The following ASTN2 variants were observed in gnomAD, a reference collection of about 807,000 sequenced individuals.
ASTN2 encodes astrotactin 2, also known as astrotactin-2.
A neutral mutation model predicts 139.8 loss-of-function variants in ASTN2; 54 were observed. That is an observed-to-expected ratio of 0.39 (90% confidence interval 0.31 to 0.48). ASTN2 has a LOEUF of 0.48. Ranked by LOEUF, ASTN2 falls within the 20% of genes least tolerant of loss-of-function variation. The pLI is 0.95. For missense variants in ASTN2, 1,565 were observed against 1,725.1 expected, an observed-to-expected ratio of 0.91 and a Z score of 1.64; for synonymous variants, 756 against 719.5, an observed-to-expected ratio of 1.05 and a Z score of -0.81.
chr9:116,459,962 A>G (rs1008335604), intron 20 of ASTN2, among the ~76,000 whole-genome samples: 1 of 152,158 alleles, frequency 6.6e-6, no homozygotes, highest in Admixed American at 6.6e-5. Context: ...AAATTTTCAT[A>G]GCAACATTAT....
intron 2 of ASTN2, among the ~76,000 whole-genome samples, chr9:117,275,748 T>C (rs894269851): frequency 6.6e-6 from 1 of 152,036 alleles, no homozygotes; most frequent in African/African-American, 2.4e-5. Context: ...GTATTTTTAG[T>C]AGAGACAGGG....
At chr9:116,807,416 T>C (rs1462926511) in intron 12 of ASTN2, among the ~76,000 whole-genome samples, 9 of 152,226 alleles carry the variant, frequency 5.9e-5, no homozygotes, top group Admixed American at 5.9e-4. Context: ...ACTGTTTCCT[T>C]GCTTTCCCCT....
At chr9:116,513,314 T>A (rs1002673420) in intron 19 of ASTN2, among the ~76,000 whole-genome samples, 2 of 152,224 alleles carry the variant, frequency 1.3e-5, no homozygotes, top group Non-Finnish European at 2.9e-5. Flanking sequence ...TATTTAAGAA[T>A]GTTGAATATT....
chr9:117,068,376 T>C lies in ASTN2; in HGVS notation c.1276+27668A>G, dbSNP rs1042790050. On this transcript the variant is annotated intron_variant, in intron 5 of 22. Transcript: ENST00000313400. ...ATGAAGCCCACTTGATCATGGTGGA[T>C]AAGCTTTTTGATGTGCTGCTGGATT... 3.1e-4 allele frequency among the ~76,000 whole-genome samples: 18 copies of C among 57,846 alleles called. 2 individuals carry two copies. The highest frequency in any genetic ancestry group is 6.0e-4 in the Non-Finnish European group (17 of 28,250). 37.9% of individuals were successfully genotyped at this position (57,846 alleles called of 152,430 possible).
intron 19 of ASTN2, among the ~76,000 whole-genome samples, chr9:116,565,505 G>GCAACCTC (rs1853186879): frequency 6.9e-6 from 1 of 145,078 alleles, no homozygotes; most frequent in East Asian, 2.0e-4. Context: ...TCGGCTCACT[G>GCAACCTC]CAACCTCCAG....
intron 19 of ASTN2, among the ~76,000 whole-genome samples, chr9:116,504,818 C>T (rs1412029852): frequency 6.9e-6 from 1 of 144,908 alleles, no homozygotes; most frequent in Non-Finnish European, 1.5e-5. Context: ...ATCACTTGAG[C>T]CTGGGAAGTC....
At chr9:116,770,687 C>G (rs373061670) in intron 13 of ASTN2, among the ~76,000 whole-genome samples, 6 of 152,176 alleles carry the variant, frequency 3.9e-5, no homozygotes, top group East Asian at 3.9e-4. Flanking sequence ...TTCCAGTACT[C>G]TCCTGTTTTC....
rs10636499 is a variant in ASTN2 at position 117,230,185 on chromosome 9, G to GA, written c.631-15444dup. On this transcript the variant is annotated intron_variant, in intron 2 of 22. Transcript: ENST00000313400. ...CTGGGTGTGTGAATTTCTTCAGGCT[G>GA]AAAAAAAAAAAATCACCCAAACTGA... 1.2e-3 allele frequency among the ~76,000 whole-genome samples: 170 copies of GA among 139,232 alleles called. 1 individual carries two copies. Among genetic ancestry groups the GA allele is most frequent in the Admixed American group, 3.2e-3 (44 of 13,934 alleles). The allele number at this position is 139,232 out of a possible 152,430, so 91.3% of individuals were successfully genotyped here.
chr9:117,397,635 T>C (rs1405460942), intron 1 of ASTN2, among the ~76,000 whole-genome samples: 1 of 152,218 alleles, frequency 6.6e-6, no homozygotes, highest in Non-Finnish European at 1.5e-5. Context: ...GGCAAATGTA[T>C]GCACATTTAC....
At chr9:117,354,272 C>T (rs1346682024) in intron 1 of ASTN2, among the ~76,000 whole-genome samples, 2 of 152,106 alleles carry the variant, frequency 1.3e-5, no homozygotes, top group Non-Finnish European at 2.9e-5. Context: ...TATTCCATGG[C>T]AGATGAGGCC....
chr9:116,489,063 C>T (rs1849427936), intron 19 of ASTN2, among the ~76,000 whole-genome samples: 2 of 152,080 alleles, frequency 1.3e-5, no homozygotes, highest in Admixed American at 6.5e-5. Flanking sequence ...TAGAGAGTTC[C>T]TCAGAGCTCT....
At chr9:116,722,569 T>A (rs958108116) in intron 16 of ASTN2, among the ~76,000 whole-genome samples, 2 of 152,180 alleles carry the variant, frequency 1.3e-5, no homozygotes, top group African/African-American at 4.8e-5. Flanking sequence ...GGGCTGAAGT[T>A]TGGATTCAAA....
intron 4 of ASTN2, among the ~76,000 whole-genome samples, chr9:117,117,916 G>A (rs1051561868): frequency 2.0e-5 from 3 of 152,108 alleles, no homozygotes; most frequent in Non-Finnish European, 2.9e-5. Context: ...AAAGGCCCCT[G>A]CGTCTCATGG....
At chr9:116,480,465 A>T (rs1588098769) in intron 20 of ASTN2, among the ~76,000 whole-genome samples, 1 of 152,348 alleles carries the variant, frequency 6.6e-6, no homozygotes, top group South Asian at 2.1e-4. Context: ...TTGGATTCTT[A>T]ATTAGTGTCA....
chr9:117,176,141 A>G (rs1830910884), intron 3 of ASTN2, among the ~76,000 whole-genome samples: 1 of 152,152 alleles, frequency 6.6e-6, no homozygotes, highest in South Asian at 2.1e-4. Context: ...TGACATGCAA[A>G]TTAAATAATC....
chr9:116,935,656 A>G (rs190881228), intron 10 of ASTN2, among the ~76,000 whole-genome samples: 1 of 152,200 alleles, frequency 6.6e-6, no homozygotes, highest in Non-Finnish European at 1.5e-5. Context: ...TTCCATTTCC[A>G]TCCTTTACTT....
intron 13 of ASTN2, among the ~76,000 whole-genome samples, chr9:116,803,514 ATATATATATTTT>A (rs1454272364): frequency 7.8e-4 from 6 of 7,704 alleles, no homozygotes; most frequent in African/African-American, 3.7e-3. Flanking sequence ...ATATATATAT[ATATATATATTTT>A]TTTTTTTTTT....
At chr9:116,513,292 G>T (rs527863851) in intron 19 of ASTN2, among the ~76,000 whole-genome samples, 14 of 152,174 alleles carry the variant, frequency 9.2e-5, no homozygotes, top group African/African-American at 2.9e-4. Context: ...AATTCTGGGT[G>T]GAAAATTCTT....
At chr9:117,133,277 A>G (rs888287070) in intron 4 of ASTN2, among the ~76,000 whole-genome samples, 1 of 152,182 alleles carries the variant, frequency 6.6e-6, no homozygotes, top group Non-Finnish European at 1.5e-5. Flanking sequence ...ACAAACATTA[A>G]CTAATTCTCC....
Sources: gnomAD v4.1 joint callset for allele counts (sites outside exome capture counted in the v4.1 genomes callset) on GRCh38, gnomAD v4.1.1 for gene constraint, MANE v1.5 for transcripts, NCBI Gene and HGNC (gene_info 2026-07-23, HGNC 2026-07-21) for gene names.